AGRN: variants seen among roughly 807,000 people sequenced by gnomAD.
The protein encoded by AGRN is agrin, also known as agrin proteoglycan.
In AGRN, 106 loss-of-function variants were observed where a neutral mutation model predicts 211.0. The ratio of observed to expected loss-of-function variants is 0.50; its 90% CI spans 0.43 to 0.59. The LOEUF is 0.59. Ranked by LOEUF, AGRN falls within the 20% of genes least tolerant of loss-of-function variation. The probability of loss-of-function intolerance (pLI) is 0.00; values close to 1 mark genes in which losing one functional copy is unlikely to be tolerated. For missense variants in AGRN, 3,040 were observed against 2,982.6 expected (o/e 1.02, Z -0.45); for synonymous variants, 1,525 against 1,332.5 (o/e 1.14, Z -3.15).
intron 2 of AGRN, among the ~76,000 whole-genome samples, chr1:1,023,805 T>C (rs1644461874): frequency 6.6e-6 from 1 of 152,092 alleles, no homozygotes; most frequent in African/African-American, 2.4e-5. Context: ...AGGCACTGGC[T>C]CTGGAGCGAG....
intron 2 of AGRN, among the ~76,000 whole-genome samples, chr1:1,033,742 G>GCCCCAGCCTCAGCCA (rs1644729357): frequency 8.0e-6 from 1 of 125,212 alleles, no homozygotes; most frequent in Non-Finnish European, 1.7e-5. Context: ...CCCACCCTCG[G>GCCCCAGCCTCAGCCA]CCCCAGCCTC....
Position 1,032,965 on chromosome 1 carries a change from G to A in AGRN, c.464-2312G>A, listed in dbSNP as rs114490664. ...CCCCCGGATCCCCCGGCTGGGCAGC[G>A]GCCAGGGAGAGGGGCGACCTACGGG... On this transcript the variant is annotated intron_variant, in intron 2 of 35. Coordinates refer to ENST00000379370, the MANE Select transcript of AGRN (RefSeq NM_198576.4). The surrounding 1 kb of genome is among the most constrained non-coding windows in gnomAD (Gnocchi z 4.7). 0.022 allele frequency among the ~76,000 whole-genome samples: 3,403 copies of A among 152,150 alleles called. 84 individuals are homozygous for A. The highest frequency in any genetic ancestry group is 0.063 in the African/African-American group (2,613 of 41,510).
At position 1,040,825 on chromosome 1, in the gene AGRN, G is replaced by A. The variant is rs761768203; in HGVS notation, c.672G>A (p.Gln224=). 162 of 1,536,994 alleles carry A rather than the reference G, an allele frequency of 1.1e-4. No homozygotes were observed. Among genetic ancestry groups the A allele is most frequent in the Non-Finnish European group, 1.4e-4 (155 of 1,147,572 alleles). The change falls in exon 4 of 36, where the codon CAG becomes CAA. Residue 224 remains glutamine (Q), a synonymous_variant. Transcript: ENST00000379370. ...ASTYSNECEL[Q]RAQCSQQRRI... is the part of the protein sequence containing the mutation. ...CCTACAGCAACGAATGCGAGCTGCAGCGGGCGCAGTGCAGCCAGCAGCGCC... is the reference window on the plus strand; with the variant it reads ...CCTACAGCAACGAATGCGAGCTGCAACGGGCGCAGTGCAGCCAGCAGCGCC...
intron 1 of AGRN, among the ~76,000 whole-genome samples, chr1:1,020,701 C>G (rs1203836680): frequency 6.6e-6 from 1 of 152,034 alleles, no homozygotes; most frequent in East Asian, 1.9e-4. Flanking sequence ...TTTGCCCGGG[C>G]GGGGAGCGGG....
In AGRN at chr1:1,043,880, T is replaced by A. The variant is rs1320843935; in HGVS notation, c.1856T>A (p.Val619Glu). The change falls in exon 10 of 36, where the codon GTG becomes GAG. Residue 619 changes from valine to glutamate, a missense_variant. By Grantham distance (121) the Val-to-Glu change is moderately radical. This residue lies in a region of AGRN where 1,498 missense variants were observed against 1,457.8 expected (regional missense o/e 1.03). Transcript: ENST00000379370. Reference sequence around the variant, plus strand: ...GCTGTGTGCTCCGCAGGGCAGTGTGTGTGTCCCCGGTGTGAGCACCCCCCG... The same window carrying A: ...GCTGTGTGCTCCGCAGGGCAGTGTGAGTGTCCCCGGTGTGAGCACCCCCCG... ...FGAVCSAGQC[V>E]CPRCEHPPPG... is the part of the protein sequence containing the mutation. 3 of 1,611,292 alleles carry A rather than the reference T, an allele frequency of 1.9e-6. No individual in the cohort carries two copies. The highest frequency in any genetic ancestry group is 2.2e-5 in the South Asian group (2 of 91,060).
chr1:1,045,391 G>A lies in AGRN; in HGVS notation c.2404G>A (p.Gly802Ser), dbSNP rs762481817. 3.8e-5 allele frequency: 62 copies of A among 1,610,688 alleles called. No individual in the cohort carries two copies. The highest frequency in any genetic ancestry group is 1.6e-4 in the Middle Eastern group (1 of 6,076). Residue 802 changes from glycine (G) to serine (S), a missense_variant, in exon 14 of 36, where the codon GGC becomes AGC. Coordinates refer to ENST00000379370, the MANE Select transcript of AGRN (RefSeq NM_198576.4). Reference sequence around the variant, plus strand: ...CCAGTGCAACCCCCATGGCTCTTACGGCGGCACCTGTGACCCAGCCACAGG... The same window carrying A: ...CCAGTGCAACCCCCATGGCTCTTACAGCGGCACCTGTGACCCAGCCACAGG... Reference protein sequence around the residue: ...ACQCNPHGSYGGTCDPATGQC... With the variant: ...ACQCNPHGSYSGTCDPATGQC...
chr1:1,046,331 C>T (rs1284586356), intron 17 of AGRN, 66 bp downstream of exon 17: 1 of 1,608,694 alleles, frequency 6.2e-7, no homozygotes, highest in Non-Finnish European at 8.5e-7. Flanking sequence ...AAATCCAGCC[C>T]CACCCGCCCT....
rs774052813 is a variant in AGRN, at chr1:1,041,279, C to A, written c.834C>A (p.Gly278=). ...ASCLCPATCR[G]APEGTVCGSD... ...GCCTGTGCCCCGCGACCTGCCGTGGCGCCCCCGAGGGGACCGTCTGCGGCA... is the reference window on the plus strand; with the variant it reads ...GCCTGTGCCCCGCGACCTGCCGTGGAGCCCCCGAGGGGACCGTCTGCGGCA... The change falls in exon 5 of 36, where the codon GGC becomes GGA. Residue 278 remains glycine (G), a synonymous_variant. Coordinates refer to ENST00000379370, the MANE Select transcript of AGRN (RefSeq NM_198576.4). The A allele has an allele frequency of 5.3e-6, 8 of 1,509,226 alleles. No homozygotes were observed. In the East Asian group the frequency reaches 1.6e-4, roughly 30 times the overall value. The allele number at this position is 1,509,226 out of a possible 1,614,324, so 93.5% of individuals were successfully genotyped here. A position where few individuals can be genotyped will look rare whatever the true frequency, so the allele number is the denominator to read the frequency against.
In AGRN at chr1:1,045,265, G is replaced by T. The variant is rs1645058185; in HGVS notation, c.2359G>T (p.Ala787Ser). The change falls in exon 13 of 36, where the codon GCT becomes TCT. Residue 787 changes from alanine to serine, a missense_variant. This residue lies in a region of AGRN where 1,498 missense variants were observed against 1,457.8 expected (regional missense o/e 1.03). Coordinates refer to ENST00000379370, the MANE Select transcript of AGRN (RefSeq NM_198576.4). ...NITAARGVGLAGCPSACQCNP... is the reference protein window; with the variant it reads ...NITAARGVGLSGCPSACQCNP... ...CACCGCAGCCCGGGGCGTGGGCCTG[G>T]CTGGCTGCCCCAGTGAGTACCTGAG... The T allele has an allele frequency of 6.2e-7, 1 of 1,611,564 alleles. No individual in the cohort carries two copies. Among genetic ancestry groups the T allele is most frequent in the Non-Finnish European group, 8.5e-7 (1 of 1,179,424 alleles).
intron 1 of AGRN, among the ~76,000 whole-genome samples, chr1:1,020,847 CG>C (rs70949542): frequency 1.9e-4 from 13 of 69,566 alleles, no homozygotes; most frequent in African/African-American, 4.3e-4. Context: ...CGCAGTGGTG[CG>C]GGGGGGGGGC....
rs1480435803 is a variant in AGRN, at chr1:1,040,876, G to A, written c.723G>A (p.Pro241=). The change falls in exon 4 of 36, where the codon CCG becomes CCA. Residue 241 remains proline (P), a synonymous_variant. Coordinates refer to ENST00000379370, the MANE Select transcript of AGRN (RefSeq NM_198576.4). ...GCATCCGCCTGCTCAGCCGCGGGCC[G>A]TGCGGTGAGCGGGGCGGGGCCGGTG... ...QRRIRLLSRG[P]CGSRDPCSNV... 7 of 1,513,676 alleles carry A rather than the reference G, an allele frequency of 4.6e-6. No individual in the cohort carries two copies. The highest frequency in any genetic ancestry group is 6.1e-6 in the Non-Finnish European group (7 of 1,138,820). The allele number at this position is 1,513,676 out of a possible 1,614,324, so 93.8% of individuals were successfully genotyped here.
Position 1,055,251 on chromosome 1 carries a change from CG to C in AGRN, c.*272del. On this transcript the variant is annotated 3_prime_UTR_variant, in exon 36 of 36. Coordinates refer to ENST00000379370, the MANE Select transcript of AGRN (RefSeq NM_198576.4). ...CCCGCCTTGCACTGCGCCTGCCCCACGGTGTCCCCGCCGGGAAGCAGCCCCG... is the reference window on the plus strand; with the variant it reads ...CCCGCCTTGCACTGCGCCTGCCCCACGTGTCCCCGCCGGGAAGCAGCCCCG... 1 of 517,194 alleles carries C rather than the reference CG, an allele frequency of 1.9e-6. No individual in the cohort carries two copies. Among genetic ancestry groups the C allele is most frequent in the East Asian group, 3.7e-5 (1 of 27,392 alleles). 32.0% of individuals were successfully genotyped at this position (517,194 alleles called of 1,614,324 possible).
chr1:1,049,008 G>T lies in AGRN; in HGVS notation c.4247G>T (p.Arg1416Leu), dbSNP rs759552420. The change falls in exon 24 of 36, where the codon CGG becomes CTG. Residue 1416 changes from arginine (R) to leucine (L), a missense_variant. By Grantham distance (102) the Arg-to-Leu change is moderately radical. Transcript: ENST00000379370. ...CTGCTGCTGTACAATGGCAACGCCC[G>T]GGGCAAGGACTTCCTGGCATTGGCG... ...QGLLLYNGNA[R>L]GKDFLALALL... 92 of 1,580,640 alleles carry T rather than the reference G, an allele frequency of 5.8e-5. No individual in the cohort carries two copies. The highest frequency in any genetic ancestry group is 7.8e-5 in the Non-Finnish European group (91 of 1,165,434).
chr1:1,026,258 C>T (rs2100575446), intron 2 of AGRN, among the ~76,000 whole-genome samples: 1 of 152,270 alleles, frequency 6.6e-6, no homozygotes, highest in Middle Eastern at 3.4e-3. Context: ...GGTGGGGCCT[C>T]TGTGGGTGGT....
chr1:1,042,909 C>G (rs1436033344), intron 7 of AGRN, among the ~76,000 whole-genome samples: 1 of 151,956 alleles, frequency 6.6e-6, no homozygotes, highest in Non-Finnish European at 1.5e-5. Flanking sequence ...GCATGGGTGT[C>G]CTGGGGATGC....
At position 1,049,516 on chromosome 1, in the gene AGRN, G is replaced by T. The variant is rs769131964; in HGVS notation, c.4515-50G>T. 1.1e-5 allele frequency: 17 copies of T among 1,594,248 alleles called. No homozygotes were observed. The Admixed American group carries it at 2.8e-4, about 26-fold the overall frequency. ...CTTTGGGGTCCCGGTGTACGAGGTGGCTTTGCCTGTGGCCCCTGAGCCCTG... is the reference window on the plus strand; with the variant it reads ...CTTTGGGGTCCCGGTGTACGAGGTGTCTTTGCCTGTGGCCCCTGAGCCCTG... On this transcript the variant is annotated intron_variant, in intron 25 of 35. Coordinates refer to ENST00000379370, the MANE Select transcript of AGRN (RefSeq NM_198576.4).
chr1:1,022,558 CTG>C, intron 2 of AGRN, 96 bp downstream of exon 2: 1 of 1,000,536 alleles, frequency 1.0e-6, no homozygotes, highest in Non-Finnish European at 1.4e-6. Flanking sequence ...TCCTTTCGTG[CTG>C]TGCCGGAGGC....
intron 3 of AGRN, among the ~76,000 whole-genome samples, chr1:1,037,498 G>A (rs1644828867): frequency 2.0e-5 from 3 of 152,110 alleles, no homozygotes; most frequent in Non-Finnish European, 2.9e-5. Flanking sequence ...ACCAGGAAGG[G>A]AGTTAAATAT....
chr1:1,037,245 G>A (rs913272359), intron 3 of AGRN, among the ~76,000 whole-genome samples: 4 of 152,200 alleles, frequency 2.6e-5, no homozygotes, highest in Admixed American at 6.5e-5. Context: ...GAGGTGCTCA[G>A]GTGGGAGGTC....
Sources: gnomAD v4.1 joint callset for allele counts (sites outside exome capture counted in the v4.1 genomes callset) on GRCh38, gnomAD v4.1.1 for gene constraint, gnomAD v4.1.1 regional missense constraint, Gnocchi (gnomAD v3.1) non-coding constraint, MANE v1.5 for transcripts, NCBI Gene and HGNC (gene_info 2026-07-23, HGNC 2026-07-21) for gene names.